Variants in FOXP2 observed in about 807,000 individuals in gnomAD.
The protein encoded by FOXP2 is forkhead box protein P2.
Under a neutral mutation model 115.8 loss-of-function variants are expected in FOXP2, and 12 were observed. The ratio of observed to expected loss-of-function variants is 0.10; its 90% CI spans 0.07 to 0.17. The LOEUF is 0.17. Among genes scored for constraint, FOXP2 ranks in the 10% least tolerant of loss-of-function variants. The pLI, the probability that FOXP2 is intolerant of heterozygous loss-of-function variation, is 1.00. For synonymous variants in FOXP2, 328 were observed against 297.7 expected (o/e 1.10, Z -1.05); for missense variants, 629 against 843.5 (o/e 0.75, Z 3.15).
intron 3 of FOXP2, among the ~76,000 whole-genome samples, chr7:114,619,358 C>T (rs550976588): frequency 2.0e-5 from 3 of 152,032 alleles, no homozygotes; most frequent in Non-Finnish European, 2.9e-5. Context: ...ACTCAGATCT[C>T]ATCTATAAAG....
chr7:114,399,359 C>T (rs540545011), intron 2 of FOXP2, among the ~76,000 whole-genome samples: 43 of 152,204 alleles, frequency 2.8e-4, no homozygotes, highest in Middle Eastern at 3.4e-3. Flanking sequence ...CCACCCACCT[C>T]GGCCTCTCAA....
At chr7:114,489,091 G>A (rs1012452421) in intron 2 of FOXP2, among the ~76,000 whole-genome samples, 7 of 152,040 alleles carry the variant, frequency 4.6e-5, no homozygotes, top group South Asian at 2.1e-4. Context: ...AGTGATAATC[G>A]ATCTTGATTT....
intron 2 of FOXP2, among the ~76,000 whole-genome samples, chr7:114,374,977 G>A (rs1375072839): frequency 6.6e-6 from 1 of 152,088 alleles, no homozygotes; most frequent in Non-Finnish European, 1.5e-5. Flanking sequence ...AGAAACAAGG[G>A]TGGGGGCGGT....
chr7:114,491,550 CT>C (rs1797055158), intron 2 of FOXP2, among the ~76,000 whole-genome samples: 1 of 151,908 alleles, frequency 6.6e-6, no homozygotes, highest in African/African-American at 2.4e-5. Context: ...GTTGCCATTG[CT>C]TTTGGTGTTT....
At chr7:114,615,940 T>A (rs972425300) in intron 3 of FOXP2, among the ~76,000 whole-genome samples, 1 of 152,224 alleles carries the variant, frequency 6.6e-6, no homozygotes, top group African/African-American at 2.4e-5. Context: ...GACTTTATGA[T>A]CTAAGATGAT....
At chr7:114,186,236 A>G (rs1232443012) in intron 1 of FOXP2, among the ~76,000 whole-genome samples, 5 of 152,162 alleles carry the variant, frequency 3.3e-5, no homozygotes, top group African/African-American at 1.2e-4. Context: ...CAGTAGCCTC[A>G]AAAGTCTTAA....
At chr7:114,461,284 CT>C (rs1444292978) in intron 2 of FOXP2, among the ~76,000 whole-genome samples, 2 of 152,224 alleles carry the variant, frequency 1.3e-5, no homozygotes, top group Non-Finnish European at 2.9e-5. Context: ...TATTTAGCTT[CT>C]GATAATAATT....
chr7:114,253,988 A>G lies in FOXP2; in HGVS notation c.-101-34031A>G, dbSNP rs927855615. Among the ~76,000 whole-genome samples, 8 of 152,200 alleles carry G rather than the reference A, an allele frequency of 5.3e-5. No homozygotes were observed. The South Asian group carries it at 6.2e-4, about 12-fold the overall frequency. On this transcript the variant is annotated intron_variant, in intron 1 of 17. Coordinates refer to the FOXP2 transcript ENST00000634411. ...CAGGAGCCCTTGTAGGGCAGGCCTG[A>G]TGGTGACAAAATCTCTCAGCATTTG...
intron 2 of FOXP2, among the ~76,000 whole-genome samples, chr7:114,481,994 A>C (rs1048661399): frequency 3.3e-5 from 5 of 151,278 alleles, no homozygotes; most frequent in Non-Finnish European, 5.9e-5. Flanking sequence ...TCTGATTTTA[A>C]CTTAATCACC....
intron 2 of FOXP2, among the ~76,000 whole-genome samples, chr7:114,448,597 A>C (rs909066606): frequency 6.6e-6 from 1 of 152,020 alleles, no homozygotes; most frequent in Non-Finnish European, 1.5e-5. Context: ...TAGCCTTTTC[A>C]TGTTAATATT....
At chr7:114,218,187 G>T (rs191120449) in intron 1 of FOXP2, among the ~76,000 whole-genome samples, 1 of 152,044 alleles carries the variant, frequency 6.6e-6, no homozygotes, top group Non-Finnish European at 1.5e-5. Flanking sequence ...TTAACTTGCC[G>T]ATGTACTATT....
intron 1 of FOXP2, among the ~76,000 whole-genome samples, chr7:114,272,824 C>T (rs1796099437): frequency 6.6e-6 from 1 of 151,656 alleles, no homozygotes; most frequent in Non-Finnish European, 1.5e-5. Context: ...AATTTGTGTC[C>T]TTACTTTTTT....
At chr7:114,556,897 AAGATCTTTT>A (rs1239391158) in intron 3 of FOXP2, among the ~76,000 whole-genome samples, 1 of 152,224 alleles carries the variant, frequency 6.6e-6, no homozygotes, top group African/African-American at 2.4e-5. Context: ...AGTAACTTTA[AAGATCTTTT>A]GTATTGTTTT....
At chr7:114,531,770 C>T (rs1799154322) in intron 2 of FOXP2, among the ~76,000 whole-genome samples, 1 of 151,808 alleles carries the variant, frequency 6.6e-6, no homozygotes. Flanking sequence ...ATTTTTTTAG[C>T]CAGCTATCTT....
rs535853621 is a variant in FOXP2 at position 114,201,813 on chromosome 7, G to C, written c.-102+38725G>C. Among the ~76,000 whole-genome samples, 11 of 152,240 alleles carry C rather than the reference G, an allele frequency of 7.2e-5. No individual in the cohort carries two copies. The East Asian group carries it at 2.1e-3, about 29-fold the overall frequency. On this transcript the variant is annotated intron_variant, in intron 1 of 17. Coordinates refer to the FOXP2 transcript ENST00000634411. ...TAAGCAATGACTGAAAATTCTATAG[G>C]AAGCAGGAGTATGAAATGGCGCAGT...
Position 114,207,274 on chromosome 7 carries a change from G to A in FOXP2, c.-102+44186G>A, listed in dbSNP as rs575438932. ...GAATAATGCTGCTCTGAGCATTCAT[G>A]TTTTCATGTGGACATGTTTTCAGTT... On this transcript the variant is annotated intron_variant, in intron 1 of 17. Coordinates refer to the FOXP2 transcript ENST00000634411. Among the ~76,000 whole-genome samples the A allele has an allele frequency of 3.3e-5, 5 of 152,192 alleles. No homozygotes were observed. In the South Asian group the frequency reaches 1.0e-3, roughly 32 times the overall value.
intron 3 of FOXP2, among the ~76,000 whole-genome samples, chr7:114,567,272 C>G (rs968421481): frequency 2.0e-5 from 3 of 152,060 alleles, no homozygotes; most frequent in Non-Finnish European, 2.9e-5. Flanking sequence ...GGTATCAGCA[C>G]TGTTCTAATT....
intron 16 of FOXP2, chr7:114,666,286 A>T (rs896627798): frequency 1.3e-5 from 2 of 152,076 alleles, no homozygotes; most frequent in African/African-American, 4.8e-5. Flanking sequence ...CCCTTTTTCT[A>T]AGTTACATCA....
intron 8 of FOXP2, chr7:114,645,047 G>A (rs1805799519): frequency 3.4e-6 from 1 of 291,408 alleles, no homozygotes; most frequent in Admixed American, 5.1e-5. Flanking sequence ...ATTAATCACT[G>A]GAGACATTTA....
Sources: gnomAD v4.1 joint callset for allele counts (sites outside exome capture counted in the v4.1 genomes callset) on GRCh38, gnomAD v4.1.1 for gene constraint, MANE v1.5 for transcripts, NCBI Gene and HGNC (gene_info 2026-07-23, HGNC 2026-07-21) for gene names.